Variants in SYN3 observed in about 807,000 individuals in gnomAD.
SYN3 encodes synapsin-3.
A neutral mutation model predicts 65.8 loss-of-function variants in SYN3; 35 were observed. That is an observed-to-expected ratio of 0.53 (90% CI 0.41 to 0.70). The LOEUF (loss-of-function observed/expected upper bound fraction) is 0.70. SYN3 is among the 30% of genes least tolerant of loss of function. The probability of loss-of-function intolerance (pLI) is 0.00; values close to 1 mark genes in which losing one functional copy is unlikely to be tolerated. For missense variants in SYN3, 680 were observed against 749.0 expected, an observed-to-expected ratio of 0.91 and a Z score of 1.08; for synonymous variants, 270 against 292.9, an observed-to-expected ratio of 0.92 and a Z score of 0.80.
At chr22:32,675,717 C>A (rs2060430902) in intron 6 of SYN3, among the ~76,000 whole-genome samples, 1 of 151,448 alleles carries the variant, frequency 6.6e-6, no homozygotes, top group Admixed American at 6.6e-5. Context: ...AGCTAAGCTG[C>A]ATGAAGGCTG....
At chr22:32,962,318 T>A (rs1569360206) in intron 3 of SYN3, among the ~76,000 whole-genome samples, 1 of 151,954 alleles carries the variant, frequency 6.6e-6, no homozygotes, top group Non-Finnish European at 1.5e-5. Context: ...GTATTTTTAA[T>A]AGAGACGGGG....
chr22:32,703,960 T>C (rs915274648), intron 6 of SYN3, among the ~76,000 whole-genome samples: 1 of 152,218 alleles, frequency 6.6e-6, no homozygotes, highest in African/African-American at 2.4e-5. Context: ...CTAAAATAAA[T>C]ATTTAAATTT....
intron 6 of SYN3, among the ~76,000 whole-genome samples, chr22:32,646,583 G>C (rs2059987020): frequency 6.6e-6 from 1 of 152,186 alleles, no homozygotes; most frequent in South Asian, 2.1e-4. Context: ...AGAAGGAGCA[G>C]ATGTGTTATA....
At chr22:32,813,609 T>C (rs1187119202) in intron 6 of SYN3, among the ~76,000 whole-genome samples, 2 of 151,988 alleles carry the variant, frequency 1.3e-5, no homozygotes, top group Non-Finnish European at 2.9e-5. Flanking sequence ...CTGGAATCCA[T>C]TTTATTTCTA....
intron 7 of SYN3, among the ~76,000 whole-genome samples, chr22:32,561,170 C>T (rs1601636288): frequency 6.6e-6 from 1 of 152,116 alleles, no homozygotes; most frequent in Admixed American, 6.5e-5. Context: ...GGAACAGAGA[C>T]CCCTGAAGCC....
Position 32,525,504 on chromosome 22 carries a change from G to A in SYN3, c.1318+2414C>T, listed in dbSNP as rs1285792717. Among the ~76,000 whole-genome samples, 5 of 152,014 alleles carry A rather than the reference G, an allele frequency of 3.3e-5. No homozygotes were observed. The East Asian group carries it at 5.8e-4, about 18-fold the overall frequency. On this transcript the variant is annotated intron_variant, in intron 12 of 13. Transcript: ENST00000358763. ...GGGCGGATCACGAGGTCGGGAGATC[G>A]AGACCAGCCTGGCAAACACGGTGAA...
chr22:32,963,171 G>C (rs1336422522), intron 3 of SYN3, among the ~76,000 whole-genome samples: 1 of 150,862 alleles, frequency 6.6e-6, no homozygotes, highest in Non-Finnish European at 1.5e-5. Flanking sequence ...CTGCCTCTCG[G>C]GTTCAAGCCA....
At chr22:32,740,615 G>A (rs968896200) in intron 6 of SYN3, among the ~76,000 whole-genome samples, 1 of 152,226 alleles carries the variant, frequency 6.6e-6, no homozygotes, top group Non-Finnish European at 1.5e-5. Context: ...GCTGGAAATT[G>A]CAGATGTCTT....
intron 3 of SYN3, among the ~76,000 whole-genome samples, chr22:32,943,420 C>T (rs948918255): frequency 5.9e-5 from 9 of 152,198 alleles, no homozygotes; most frequent in Admixed American, 5.2e-4. Context: ...ACCATCAGGC[C>T]TGCCCTACAA....
intron 6 of SYN3, among the ~76,000 whole-genome samples, chr22:32,711,597 A>G (rs1260418317): frequency 6.6e-6 from 1 of 152,162 alleles, no homozygotes; most frequent in East Asian, 1.9e-4. Flanking sequence ...GTCCTTCTCC[A>G]GATTCCTGTG....
chr22:32,573,510 TA>T (rs2058807407), intron 7 of SYN3, among the ~76,000 whole-genome samples: 1 of 152,062 alleles, frequency 6.6e-6, no homozygotes, highest in Non-Finnish European at 1.5e-5. Context: ...AAAAGGGCCT[TA>T]TTGTTCTCTT....
At chr22:32,754,200 A>G (rs2045225607) in intron 6 of SYN3, among the ~76,000 whole-genome samples, 1 of 151,860 alleles carries the variant, frequency 6.6e-6, no homozygotes, top group Admixed American at 6.6e-5. Flanking sequence ...CGCCCAGGCC[A>G]GAGTGCAGTG....
intron 7 of SYN3, among the ~76,000 whole-genome samples, chr22:32,580,585 T>C (rs1342807885): frequency 6.6e-6 from 1 of 152,154 alleles, no homozygotes; most frequent in African/African-American, 2.4e-5. Flanking sequence ...TCTTGGAATG[T>C]ATCCTTTGCC....
intron 7 of SYN3, among the ~76,000 whole-genome samples, chr22:32,557,484 G>A (rs2058520390): frequency 6.6e-6 from 1 of 152,246 alleles, no homozygotes; most frequent in Non-Finnish European, 1.5e-5. Context: ...TTTTTACTGG[G>A]CATTAACTAT....
chr22:33,029,398 G>C (rs1429112636), intron 1 of SYN3, among the ~76,000 whole-genome samples: 1 of 151,984 alleles, frequency 6.6e-6, no homozygotes, highest in African/African-American at 2.4e-5. Flanking sequence ...GCCCAGGCTG[G>C]TCTGGAACTC....
intron 4 of SYN3, among the ~76,000 whole-genome samples, chr22:32,925,768 C>T (rs1301916996): frequency 1.3e-5 from 2 of 151,912 alleles, no homozygotes; most frequent in African/African-American, 2.4e-5. Context: ...GATTCCAGTG[C>T]AATACGTCTG....
chr22:32,538,917 T>A (rs754797570), intron 8 of SYN3, among the ~76,000 whole-genome samples: 1 of 152,174 alleles, frequency 6.6e-6, no homozygotes, highest in African/African-American at 2.4e-5. Context: ...TCATCCCCTG[T>A]ATACCCAGTA....
chr22:32,739,192 C>T (rs1174676635), intron 6 of SYN3, among the ~76,000 whole-genome samples: 1 of 151,716 alleles, frequency 6.6e-6, no homozygotes, highest in African/African-American at 2.4e-5. Flanking sequence ...GGCGGTTTCC[C>T]CCATACTGTT....
intron 2 of SYN3, among the ~76,000 whole-genome samples, chr22:32,988,078 G>A (rs981365374): frequency 3.9e-5 from 6 of 151,942 alleles, no homozygotes; most frequent in South Asian, 2.1e-4. Flanking sequence ...GGAGGCCGAG[G>A]TGGGCGGTTC....
Sources: gnomAD v4.1 joint callset for allele counts (sites outside exome capture counted in the v4.1 genomes callset) on GRCh38, gnomAD v4.1.1 for gene constraint, MANE v1.5 for transcripts, NCBI Gene and HGNC (gene_info 2026-07-23, HGNC 2026-07-21) for gene names.